LOC400499: variants seen among roughly 807,000 people sequenced by gnomAD.
chr16:11,422,268 G>A, the LOC400499 span, among the ~76,000 whole-genome samples: 4 of 152,158 alleles, frequency 2.6e-5, no homozygotes, highest in Admixed American at 6.5e-5. Flanking sequence ...TGGGCGTGGT[G>A]GTGGGCACCT....
chr16:11,457,865 T>C, the LOC400499 span, among the ~76,000 whole-genome samples: 1 of 152,086 alleles, frequency 6.6e-6, no homozygotes, highest in African/African-American at 2.4e-5. Flanking sequence ...CATGCTACGA[T>C]ATGGATGAAC....
At chr16:11,461,125 G>C in the LOC400499 span, 55 of 1,531,656 alleles carry the variant, frequency 3.6e-5, no homozygotes, top group Non-Finnish European at 4.1e-5. Context: ...CAGTGCTGCA[G>C]GGACAGAGAG....
At chr16:11,496,878 G>C in the LOC400499 span, among the ~76,000 whole-genome samples, 2,437 of 146,928 alleles carry the variant, frequency 0.017, 71 homozygotes, top group African/African-American at 0.059. Context: ...GTCTTGGCGT[G>C]TATGCCTCAA....
the LOC400499 span, among the ~76,000 whole-genome samples, chr16:11,416,351 T>TG: frequency 6.6e-6 from 1 of 152,108 alleles, no homozygotes; most frequent in South Asian, 2.1e-4. Flanking sequence ...ATAATCTATA[T>TG]GGGGGTCAGA....
chr16:11,420,485 C>G, the LOC400499 span, among the ~76,000 whole-genome samples: 13 of 150,080 alleles, frequency 8.7e-5, no homozygotes, highest in Non-Finnish European at 1.3e-4. Flanking sequence ...AGGAGATATA[C>G]CTAATGCTAA....
At chr16:11,473,372 G>T in the LOC400499 span, among the ~76,000 whole-genome samples, 1 of 150,144 alleles carries the variant, frequency 6.7e-6, no homozygotes, top group Non-Finnish European at 1.5e-5. Flanking sequence ...AAAATTTCAA[G>T]ATCTCCTATT....
At chr16:11,523,628 G>A in the LOC400499 span, 1 of 393,442 alleles carries the variant, frequency 2.5e-6, no homozygotes, top group Non-Finnish European at 4.5e-6. Flanking sequence ...GGGAGGGAGG[G>A]CCACAAAGAC....
chr16:11,380,098 C>T, the LOC400499 span, among the ~76,000 whole-genome samples: 2 of 152,240 alleles, frequency 1.3e-5, no homozygotes, highest in East Asian at 1.9e-4. Flanking sequence ...GTGCATGCCA[C>T]CACCATGCCT....
chr16:11,387,118 G>A, the LOC400499 span: 4 of 1,232,324 alleles, frequency 3.2e-6, no homozygotes, highest in Non-Finnish European at 4.0e-6. Flanking sequence ...CACATTCCCA[G>A]GGGCCCGCCA....
the LOC400499 span, among the ~76,000 whole-genome samples, chr16:11,407,970 G>GTTTTT: frequency 9.5e-5 from 6 of 63,418 alleles, no homozygotes; most frequent in African/African-American, 1.2e-4. Context: ...TTCCAGAGCT[G>GTTTTT]TTTTTTTTTT....
chr16:11,433,724 G>A, the LOC400499 span, among the ~76,000 whole-genome samples: 3 of 152,074 alleles, frequency 2.0e-5, no homozygotes, highest in East Asian at 1.9e-4. Flanking sequence ...GTTAATAAGC[G>A]GTCATGCCCG....
the LOC400499 span, among the ~76,000 whole-genome samples, chr16:11,436,921 G>A: frequency 1.3e-5 from 2 of 152,142 alleles, no homozygotes; most frequent in African/African-American, 4.8e-5. Flanking sequence ...AATGCCTGGT[G>A]CTTCCTTAGA....
chr16:11,524,159 C>T, the LOC400499 span, among the ~76,000 whole-genome samples: 1 of 30,566 alleles, frequency 3.3e-5, no homozygotes, highest in Admixed American at 3.4e-4. Context: ...CGTCCATCCA[C>T]CCCCCAACCC....
the LOC400499 span, among the ~76,000 whole-genome samples, chr16:11,416,124 A>T: frequency 0.15 from 23,127 of 151,464 alleles, 2,341 homozygotes; most frequent in African/African-American, 0.3. Flanking sequence ...CTCAGCTAAT[A>T]TTTTTTGTAG....
the LOC400499 span, among the ~76,000 whole-genome samples, chr16:11,475,904 A>C: frequency 1.3e-5 from 2 of 152,026 alleles, no homozygotes; most frequent in African/African-American, 4.8e-5. Context: ...GACCACAGAG[A>C]GTGACAAGTG....
the LOC400499 span, chr16:11,390,395 C>T: frequency 2.9e-5 from 36 of 1,243,786 alleles, no homozygotes; most frequent in Non-Finnish European, 3.5e-5. Flanking sequence ...TCTGCTCGCT[C>T]CCGCCACACC....
the LOC400499 span, among the ~76,000 whole-genome samples, chr16:11,481,238 C>T: frequency 9.2e-5 from 14 of 152,170 alleles, no homozygotes; most frequent in Non-Finnish European, 1.8e-4. Flanking sequence ...GGTGCAGTGT[C>T]TCTTTTGGGG....
the LOC400499 span, among the ~76,000 whole-genome samples, chr16:11,474,483 T>G: frequency 6.6e-6 from 1 of 152,226 alleles, no homozygotes; most frequent in African/African-American, 2.4e-5. Context: ...AACATCTTTG[T>G]GCACAGAGCA....
At chr16:11,493,313 A>G in the LOC400499 span, among the ~76,000 whole-genome samples, 4 of 152,342 alleles carry the variant, frequency 2.6e-5, no homozygotes, top group African/African-American at 9.6e-5. Context: ...CACCTAAGTG[A>G]GTGGGCATGC....
Sources: allele counts gnomAD v4.1 joint callset (sites outside exome capture counted in the v4.1 genomes callset), GRCh38; gene constraint gnomAD v4.1.1; transcripts MANE v1.5.